The following CDH11 variants were observed in gnomAD, a reference collection of about 807,000 sequenced individuals.
CDH11 encodes cadherin 11.
A neutral mutation model predicts 67.8 loss-of-function variants in CDH11; 11 were observed. The observed-to-expected ratio is 0.16, with a 90% CI of 0.10 to 0.27. The LOEUF (loss-of-function observed/expected upper bound fraction) is 0.27, where lower values mean the gene tolerates loss of function less well. Among genes scored for constraint, CDH11 ranks in the 10% least tolerant of loss-of-function variants. The pLI is 1.00. For synonymous variants in CDH11, 419 were observed against 400.0 expected (o/e 1.05, Z -0.57); for missense variants, 847 against 1,031.2 (o/e 0.82, Z 2.45).
intron 11 of CDH11, chr16:64,968,428 A>G (rs2071903649): frequency 1.0e-6 from 1 of 985,006 alleles, no homozygotes; most frequent in East Asian, 1.1e-4. Flanking sequence ...AAGTAAATGC[A>G]TCTCAAAACC....
chr16:64,947,422 G>T lies in CDH11; in HGVS notation c.*181C>A. Reference sequence around the variant, plus strand: ...CAATATTTGCCTTTTTGTGAGAAAAGGTATTTCACAGTATTTACCACTTTG... The same window carrying T: ...CAATATTTGCCTTTTTGTGAGAAAATGTATTTCACAGTATTTACCACTTTG... On this transcript the variant is annotated 3_prime_UTR_variant, in exon 13 of 13. Transcript: ENST00000268603. The T allele has an allele frequency of 7.4e-7, 1 of 1,350,288 alleles. No homozygotes were observed. The highest frequency in any genetic ancestry group is 9.5e-7 in the Non-Finnish European group (1 of 1,052,146). The allele number at this position is 1,350,288 out of a possible 1,614,324, so 83.6% of individuals were successfully genotyped here.
chr16:64,995,754 T>A (rs2072747476), intron 4 of CDH11, among the ~76,000 whole-genome samples: 1 of 152,082 alleles, frequency 6.6e-6, no homozygotes, highest in Non-Finnish European at 1.5e-5. Context: ...CAGGACCTAA[T>A]TACACTAAAG....
chr16:65,014,098 A>T (rs145720338), intron 2 of CDH11, among the ~76,000 whole-genome samples: 6 of 152,344 alleles, frequency 3.9e-5, no homozygotes, highest in Non-Finnish European at 7.3e-5. Context: ...TAACCCCTGG[A>T]TACCATGCTC....
chr16:64,969,764 G>A (rs561323472), intron 11 of CDH11, among the ~76,000 whole-genome samples: 3 of 152,300 alleles, frequency 2.0e-5, no homozygotes, highest in East Asian at 1.9e-4. Context: ...GTGCCACCCT[G>A]TTCAATTCAG....
At chr16:65,038,271 C>A (rs192908517) in intron 2 of CDH11, among the ~76,000 whole-genome samples, 1 of 152,064 alleles carries the variant, frequency 6.6e-6, no homozygotes, top group African/African-American at 2.4e-5. Context: ...GACTCCTCCA[C>A]GGGCTGTTTC....
rs138717482 is a variant in CDH11 at position 65,004,657 on chromosome 16, G to A, written c.213C>T (p.Pro71=). 3.7e-5 allele frequency: 60 copies of A among 1,612,696 alleles called. No homozygotes were observed. Among genetic ancestry groups the A allele is most frequent in the East Asian group, 2.5e-4 (11 of 44,768 alleles). Residue 71 remains proline (P), a synonymous_variant, in exon 3 of 13, where the codon CCC becomes CCT. Transcript: ENST00000268603. ...GCAGCCTTACCCTGCCCACAAGCAC[G>A]GGGTCAGGCCCGGTGTACTCCTCTA... ...FVIEEYTGPD[P]VLVGRLHSDI... is the part of the protein sequence containing the mutation.
intron 1 of CDH11, among the ~76,000 whole-genome samples, chr16:65,093,886 AT>A (rs1206854158): frequency 2.0e-4 from 30 of 152,188 alleles, no homozygotes; most frequent in Non-Finnish European, 2.4e-4. Flanking sequence ...GAAGTCTATC[AT>A]TTGAATATAT....
In CDH11 at chr16:65,094,363, C is replaced by T. The variant is rs185710744; in HGVS notation, c.-298+27517G>A. On this transcript the variant is annotated intron_variant, in intron 1 of 12. Coordinates refer to ENST00000268603, the MANE Select transcript of CDH11 (RefSeq NM_001797.4). Reference sequence around the variant, plus strand: ...TTGATACTTGATGTCAGTAGAATTTCTCCCACAGAGTCTAATAAAGAAATC... The same window carrying T: ...TTGATACTTGATGTCAGTAGAATTTTTCCCACAGAGTCTAATAAAGAAATC... Among the ~76,000 whole-genome samples the T allele has an allele frequency of 9.2e-5, 14 of 152,214 alleles. No individual in the cohort carries two copies. In the East Asian group the frequency reaches 2.5e-3, roughly 27 times the overall value.
At position 64,972,563 on chromosome 16, in the gene CDH11, C is replaced by T. The variant is rs533891056; in HGVS notation, c.1390+341G>A. On this transcript the variant is annotated intron_variant, in intron 9 of 12. Transcript: ENST00000268603. Reference sequence around the variant, plus strand: ...TTGTTGTCTATAGATAAACAAGAACCCACAAACCTTGGGCCTAAGGACTTT... The same window carrying T: ...TTGTTGTCTATAGATAAACAAGAACTCACAAACCTTGGGCCTAAGGACTTT... Among the ~76,000 whole-genome samples, 7 of 152,176 alleles carry T rather than the reference C, an allele frequency of 4.6e-5. No homozygotes were observed. The South Asian group carries it at 1.2e-3, about 27-fold the overall frequency.
chr16:65,036,722 CAA>C, intron 2 of CDH11, among the ~76,000 whole-genome samples: 1 of 152,100 alleles, frequency 6.6e-6, no homozygotes, highest in East Asian at 1.9e-4. Flanking sequence ...AGACCCCCCT[CAA>C]AAGAGTTCCA....
chr16:64,964,573 G>A (rs1208457018), intron 11 of CDH11, among the ~76,000 whole-genome samples: 1 of 151,860 alleles, frequency 6.6e-6, no homozygotes, highest in Non-Finnish European at 1.5e-5. Context: ...TTTTGAGACG[G>A]AGTCTTGCTC....
At chr16:65,068,375 A>G (rs2074355412) in intron 1 of CDH11, among the ~76,000 whole-genome samples, 2 of 139,308 alleles carry the variant, frequency 1.4e-5, no homozygotes, top group African/African-American at 5.3e-5. Context: ...GGTGGGTGAG[A>G]AGAATGAAGG....
chr16:65,006,879 G>A (rs1420616125), intron 2 of CDH11: 1 of 152,540 alleles, frequency 6.6e-6, no homozygotes, highest in African/African-American at 2.4e-5. Flanking sequence ...ATAAAGGGGA[G>A]TTTCCCTGCA....
chr16:64,984,618 T>C (rs1292553371), intron 7 of CDH11: 1 of 152,142 alleles, frequency 6.6e-6, no homozygotes, highest in African/African-American at 2.4e-5. Context: ...ACAAACAATA[T>C]TCAAAAATGC....
chr16:65,052,025 G>A (rs577308456), intron 2 of CDH11, among the ~76,000 whole-genome samples: 2 of 152,220 alleles, frequency 1.3e-5, no homozygotes, highest in African/African-American at 4.8e-5. Flanking sequence ...AGGAGTAAGG[G>A]GAGTGATACA....
At chr16:64,991,642 G>A in intron 6 of CDH11, 126 bp downstream of exon 6, 1 of 571,580 alleles carries the variant, frequency 1.7e-6, no homozygotes, top group Non-Finnish European at 3.1e-6. Flanking sequence ...TTGTAAGAAT[G>A]ATATGAATTG....
At chr16:64,958,796 G>GA (rs2071593006) in intron 11 of CDH11, among the ~76,000 whole-genome samples, 1 of 152,006 alleles carries the variant, frequency 6.6e-6, no homozygotes, top group Non-Finnish European at 1.5e-5. Flanking sequence ...TCAGTTTCTA[G>GA]ACTCAGTTTC....
At chr16:65,009,578 G>A (rs996123951) in intron 2 of CDH11, among the ~76,000 whole-genome samples, 4 of 152,218 alleles carry the variant, frequency 2.6e-5, no homozygotes, top group African/African-American at 9.6e-5. Flanking sequence ...TTAATAGGAG[G>A]CTGCCCTCCT....
At chr16:65,101,286 C>T (rs1056086245) in intron 1 of CDH11, among the ~76,000 whole-genome samples, 4 of 152,164 alleles carry the variant, frequency 2.6e-5, no homozygotes, top group Non-Finnish European at 5.9e-5. Context: ...GAGAGACAGG[C>T]ATGCACAAGC....
Sources: gnomAD v4.1 joint callset for allele counts (sites outside exome capture counted in the v4.1 genomes callset) on GRCh38, gnomAD v4.1.1 for gene constraint, MANE v1.5 for transcripts, NCBI Gene and HGNC (gene_info 2026-07-23, HGNC 2026-07-21) for gene names.